RORA: variants seen among roughly 807,000 people sequenced by gnomAD.
The protein encoded by RORA is nuclear receptor ROR-alpha.
A neutral mutation model predicts 69.5 loss-of-function variants in RORA; 7 were observed. The observed-to-expected ratio is 0.10, with a 90% CI of 0.06 to 0.19. The LOEUF is 0.19. Ranked by LOEUF, RORA falls within the 10% of genes least tolerant of loss-of-function variation. RORA has a pLI of 1.00. For missense variants in RORA, 457 were observed against 663.0 expected, an observed-to-expected ratio of 0.69 and a Z score of 3.41; for synonymous variants, 261 against 240.8, an observed-to-expected ratio of 1.08 and a Z score of -0.78.
At chr15:60,805,265 T>A (rs1393170835) in intron 1 of RORA, among the ~76,000 whole-genome samples, 1 of 152,026 alleles carries the variant, frequency 6.6e-6, no homozygotes, top group Non-Finnish European at 1.5e-5. Flanking sequence ...ACAGCCCAAA[T>A]AAAACCATGT....
intron 1 of RORA, among the ~76,000 whole-genome samples, chr15:60,769,196 TA>T (rs1190547128): frequency 6.6e-6 from 1 of 152,218 alleles, no homozygotes; most frequent in Non-Finnish European, 1.5e-5. Context: ...ACTTCCATGA[TA>T]AATATTTAAG....
At chr15:60,568,869 A>C (rs1262269637) in intron 2 of RORA, among the ~76,000 whole-genome samples, 1 of 152,074 alleles carries the variant, frequency 6.6e-6, no homozygotes, top group Non-Finnish European at 1.5e-5. Flanking sequence ...TGTTGATGAC[A>C]AAGTGAAGTA....
chr15:61,086,103 G>C lies in RORA; in HGVS notation c.166+142950C>G, dbSNP rs527869487. Among the ~76,000 whole-genome samples, 7 of 152,334 alleles carry C rather than the reference G, an allele frequency of 4.6e-5. No homozygotes were observed. In the East Asian group the frequency reaches 5.8e-4, roughly 13 times the overall value. ...ATAGGAAAAGAAGTACTATCATGCAGACCTTCAGATATTTACCTTGTTCCC... is the reference window on the plus strand; with the variant it reads ...ATAGGAAAAGAAGTACTATCATGCACACCTTCAGATATTTACCTTGTTCCC... On this transcript the variant is annotated intron_variant, in intron 1 of 10. Transcript: ENST00000335670.
intron 1 of RORA, among the ~76,000 whole-genome samples, chr15:60,733,434 T>A (rs2071455611): frequency 6.6e-6 from 1 of 152,198 alleles, no homozygotes; most frequent in East Asian, 1.9e-4. Flanking sequence ...CATGCCAGAC[T>A]TCACTGAAGA....
chr15:61,148,136 C>A (rs1377474420), intron 1 of RORA, among the ~76,000 whole-genome samples: 2 of 152,188 alleles, frequency 1.3e-5, no homozygotes, highest in Non-Finnish European at 2.9e-5. Flanking sequence ...ATCTGAGTGA[C>A]ATCAGCGGCA....
At chr15:61,023,211 A>C (rs1047926998) in intron 1 of RORA, among the ~76,000 whole-genome samples, 1 of 148,026 alleles carries the variant, frequency 6.8e-6, no homozygotes, top group Non-Finnish European at 1.5e-5. Context: ...AAAAAAAAAA[A>C]CTGACAAAAC....
chr15:61,015,340 A>T (rs903119273), intron 1 of RORA, among the ~76,000 whole-genome samples: 2 of 152,188 alleles, frequency 1.3e-5, no homozygotes, highest in African/African-American at 4.8e-5. Flanking sequence ...CCAGCTAAAA[A>T]TGCATATCAA....
chr15:60,979,934 G>C (rs115893662), intron 1 of RORA, among the ~76,000 whole-genome samples: 246 of 152,278 alleles, frequency 1.6e-3, no homozygotes, highest in African/African-American at 5.8e-3. Context: ...AGTGGTGAGA[G>C]AAAACATCCA....
chr15:60,636,898 TATTA>T (rs912161938), intron 2 of RORA, among the ~76,000 whole-genome samples: 29 of 152,250 alleles, frequency 1.9e-4, no homozygotes, highest in African/African-American at 6.0e-4. Context: ...CTCATGTGTT[TATTA>T]ATTCTTTAAA....
At chr15:61,207,789 T>G (rs767001508) in intron 1 of RORA, among the ~76,000 whole-genome samples, 4 of 152,212 alleles carry the variant, frequency 2.6e-5, no homozygotes, top group Non-Finnish European at 5.9e-5. Flanking sequence ...TGCTTCCAAA[T>G]ACTTCATCCA....
intron 1 of RORA, among the ~76,000 whole-genome samples, chr15:61,127,758 T>C (rs1596011799): frequency 6.6e-6 from 1 of 152,162 alleles, no homozygotes; most frequent in African/African-American, 2.4e-5. Context: ...TTGAGCTCAT[T>C]TGTCATCATT....
Position 60,699,789 on chromosome 15 carries a change from A to T in RORA, c.167-21103T>A, listed in dbSNP as rs1250103316. Among the ~76,000 whole-genome samples, 3 of 152,272 alleles carry T rather than the reference A, an allele frequency of 2.0e-5. No individual in the cohort carries two copies. In the East Asian group the frequency reaches 5.8e-4, roughly 29 times the overall value. ...TATTTAGTTTTTGCCTGCCACAATA[A>T]CTACTTATGATATTTTAATATTTAC... On this transcript the variant is annotated intron_variant, in intron 1 of 10. Coordinates refer to ENST00000335670, the MANE Select transcript of RORA (RefSeq NM_134261.3).
intron 1 of RORA, among the ~76,000 whole-genome samples, chr15:61,148,401 C>T (rs1247712087): frequency 1.3e-5 from 2 of 152,100 alleles, no homozygotes; most frequent in Admixed American, 1.3e-4. Context: ...TTCACTCTCC[C>T]ACATATTAAA....
intron 1 of RORA, among the ~76,000 whole-genome samples, chr15:61,178,008 A>G (rs1450803202): frequency 1.3e-5 from 2 of 151,956 alleles, no homozygotes; most frequent in Admixed American, 1.3e-4. Context: ...AAAAGAAGGA[A>G]AGAAGGCCAA....
intron 1 of RORA, among the ~76,000 whole-genome samples, chr15:60,938,508 C>T (rs1892596103): frequency 6.6e-6 from 1 of 152,204 alleles, no homozygotes; most frequent in Non-Finnish European, 1.5e-5. Flanking sequence ...AATACCTTCA[C>T]ATTTAAATTC....
At chr15:60,514,274 G>T (rs535219658) in intron 4 of RORA, among the ~76,000 whole-genome samples, 1 of 152,302 alleles carries the variant, frequency 6.6e-6, no homozygotes, top group African/African-American at 2.4e-5. Flanking sequence ...ATGCCTAGAG[G>T]AGACATCTTT....
chr15:60,957,198 T>A (rs984267440), intron 1 of RORA, among the ~76,000 whole-genome samples: 4 of 152,196 alleles, frequency 2.6e-5, no homozygotes, highest in Non-Finnish European at 5.9e-5. Context: ...AGAATATGCG[T>A]TCAAGTAAGG....
chr15:60,928,191 T>G (rs1191672464), intron 1 of RORA, among the ~76,000 whole-genome samples: 1 of 152,132 alleles, frequency 6.6e-6, no homozygotes, highest in East Asian at 1.9e-4. Flanking sequence ...AAATTCAGAC[T>G]CCCCTGCATC....
chr15:60,882,435 A>G (rs1192437465), intron 1 of RORA, among the ~76,000 whole-genome samples: 1 of 152,172 alleles, frequency 6.6e-6, no homozygotes, highest in Non-Finnish European at 1.5e-5. Context: ...GCTGAGATTG[A>G]GAAACTCTGG....
Sources: allele counts gnomAD v4.1 joint callset (sites outside exome capture counted in the v4.1 genomes callset), GRCh38; gene constraint gnomAD v4.1.1; transcripts MANE v1.5; gene names NCBI Gene and HGNC (gene_info 2026-07-23, HGNC 2026-07-21).